SNX29: variants seen among roughly 807,000 people sequenced by gnomAD.
SNX29 encodes sorting nexin-29.
Under a neutral mutation model 102.1 loss-of-function variants are expected in SNX29, and 78 were observed. The observed-to-expected ratio is 0.76, with a 90% CI of 0.64 to 0.92. SNX29 has a LOEUF of 0.92. SNX29 is among the 40% of genes least tolerant of loss of function. The pLI, the probability that SNX29 is intolerant of heterozygous loss-of-function variation, is 0.00. For synonymous variants in SNX29, 580 were observed against 414.5 expected (o/e 1.40, Z -4.85); for missense variants, 1,280 against 1,061.7 (o/e 1.21, Z -2.86).
At chr16:12,230,017 G>C (rs966443223) in intron 14 of SNX29, among the ~76,000 whole-genome samples, 1 of 152,240 alleles carries the variant, frequency 6.6e-6, no homozygotes, top group African/African-American at 2.4e-5. Flanking sequence ...TGCTGTTGTA[G>C]CAGCCGCAGA....
intron 20 of SNX29, among the ~76,000 whole-genome samples, chr16:12,537,060 G>A (rs564574576): frequency 9.2e-5 from 14 of 152,272 alleles, no homozygotes; most frequent in South Asian, 2.1e-4. Flanking sequence ...AGCATATTTA[G>A]GAGACGATGT....
chr16:12,166,520 AGT>A (rs1204626218), intron 13 of SNX29, among the ~76,000 whole-genome samples: 2 of 152,184 alleles, frequency 1.3e-5, no homozygotes, highest in Non-Finnish European at 2.9e-5. Flanking sequence ...CGAGTCTTGT[AGT>A]GTGCAGGGGA....
chr16:12,027,238 C>G, intron 3 of SNX29, 82 bp from the exon 4 acceptor site: 1 of 1,571,114 alleles, frequency 6.4e-7, no homozygotes, highest in Non-Finnish European at 8.7e-7. Context: ...TGGCGGCTTA[C>G]TCACTTCCTG....
chr16:12,001,571 C>A (rs1304048287), intron 2 of SNX29, among the ~76,000 whole-genome samples: 1 of 151,836 alleles, frequency 6.6e-6, no homozygotes, highest in Non-Finnish European at 1.5e-5. Context: ...TGTGTTTTGA[C>A]AAATATGTCA....
chr16:12,406,870 C>G (rs1290805258), intron 18 of SNX29, among the ~76,000 whole-genome samples: 1 of 152,188 alleles, frequency 6.6e-6, no homozygotes, highest in Non-Finnish European at 1.5e-5. Flanking sequence ...GATCGCGCCA[C>G]TACACTCAAG....
intron 13 of SNX29, among the ~76,000 whole-genome samples, chr16:12,143,736 C>T (rs1195978286): frequency 1.3e-5 from 2 of 152,232 alleles, no homozygotes. Context: ...AAGTCATTCT[C>T]TGCAGTTAAT....
chr16:12,194,653 C>T (rs1396520343), intron 13 of SNX29, among the ~76,000 whole-genome samples: 3 of 140,408 alleles, frequency 2.1e-5, no homozygotes, highest in Non-Finnish European at 3.0e-5. Flanking sequence ...AAGAAGGAAT[C>T]GCAGACTCTG....
At chr16:12,235,916 T>A (rs1333370631) in intron 14 of SNX29, among the ~76,000 whole-genome samples, 1 of 152,106 alleles carries the variant, frequency 6.6e-6, no homozygotes, top group Non-Finnish European at 1.5e-5. Context: ...CAGGTAAAGA[T>A]TCAGAAATGA....
chr16:12,388,246 G>T (rs753420375), intron 16 of SNX29, among the ~76,000 whole-genome samples: 1 of 152,194 alleles, frequency 6.6e-6, no homozygotes, highest in Non-Finnish European at 1.5e-5. Flanking sequence ...AGTTGGCTTT[G>T]AATTATTGCT....
rs146890540 is a variant in SNX29, at chr16:12,539,380, C to T, written c.2318+14539C>T. 2.7e-3 allele frequency among the ~76,000 whole-genome samples: 409 copies of T among 152,142 alleles called. 2 individuals are homozygous for T. The highest frequency in any genetic ancestry group is 8.9e-3 in the African/African-American group (371 of 41,514). On this transcript the variant is annotated intron_variant, in intron 20 of 20. Transcript: ENST00000566228. The stretch of plus-strand genomic sequence containing the variant: ...ACTGTAAGCAACCTCTTGAGGCTGG[C>T]GTCTTTCAGCATGTGTGAGAACCGT...
chr16:12,560,849 A>T (rs1462960989), intron 20 of SNX29: 1 of 182,868 alleles, frequency 5.5e-6, no homozygotes, highest in African/African-American at 2.4e-5. Context: ...TAAGGATGTT[A>T]TGAGAATTGG....
chr16:12,557,146 G>C (rs75344789), intron 20 of SNX29, among the ~76,000 whole-genome samples: 2 of 152,052 alleles, frequency 1.3e-5, no homozygotes, highest in South Asian at 2.1e-4. Context: ...ACTGCCCCTG[G>C]TCACAATTTC....
intron 19 of SNX29, among the ~76,000 whole-genome samples, chr16:12,488,398 A>G (rs1232427413): frequency 2.6e-5 from 4 of 151,964 alleles, no homozygotes; most frequent in Admixed American, 6.6e-5. Context: ...CTCATACTCC[A>G]TCGCATCACG....
intron 11 of SNX29, among the ~76,000 whole-genome samples, chr16:12,119,156 A>G (rs932946039): frequency 3.3e-5 from 5 of 152,130 alleles, no homozygotes; most frequent in African/African-American, 1.2e-4. Context: ...ACAACTCAGG[A>G]CTGGTGGCAG....
intron 19 of SNX29, among the ~76,000 whole-genome samples, chr16:12,512,861 C>T (rs888402986): frequency 2.0e-5 from 3 of 152,200 alleles, no homozygotes; most frequent in African/African-American, 7.2e-5. Flanking sequence ...GAGATGGCCT[C>T]TGCAGGGCGA....
At chr16:12,266,686 G>GAAAAAAAAA (rs59509183) in intron 14 of SNX29, among the ~76,000 whole-genome samples, 1 of 130,954 alleles carries the variant, frequency 7.6e-6, no homozygotes, top group Admixed American at 7.9e-5. Flanking sequence ...ATCTATTATT[G>GAAAAAAAAA]AAAAAAAAAA....
chr16:12,491,687 A>G (rs1364715045), intron 19 of SNX29, among the ~76,000 whole-genome samples: 2 of 150,950 alleles, frequency 1.3e-5, no homozygotes, highest in African/African-American at 4.9e-5. Flanking sequence ...CCTTCCCCCA[A>G]CCCCACAACA....
chr16:12,218,560 C>T (rs991183847), intron 14 of SNX29, among the ~76,000 whole-genome samples: 5 of 152,168 alleles, frequency 3.3e-5, no homozygotes, highest in Non-Finnish European at 5.9e-5. Context: ...TACCATCTGG[C>T]CCGCTGAAGA....
At chr16:12,379,320 G>T (rs943629384) in intron 16 of SNX29, among the ~76,000 whole-genome samples, 1 of 152,150 alleles carries the variant, frequency 6.6e-6, no homozygotes, top group African/African-American at 2.4e-5. Context: ...GGGGGTCTCC[G>T]TATGTTGCCC....
Sources: allele counts gnomAD v4.1 joint callset (sites outside exome capture counted in the v4.1 genomes callset), GRCh38; gene constraint gnomAD v4.1.1; transcripts MANE v1.5; gene names NCBI Gene and HGNC (gene_info 2026-07-23, HGNC 2026-07-21).